Variants in DOCK1 observed in about 807,000 individuals in gnomAD.
The protein encoded by DOCK1 is dedicator of cytokinesis protein 1.
DOCK1 carries 138 observed loss-of-function variants against 262.7 expected under a neutral mutation model. That is an observed-to-expected ratio of 0.53 (90% CI 0.46 to 0.61). The LOEUF (loss-of-function observed/expected upper bound fraction) is 0.61. Ranked by LOEUF, DOCK1 falls within the 20% of genes least tolerant of loss-of-function variation. The pLI, the probability that DOCK1 is intolerant of heterozygous loss-of-function variation, is 0.00. For missense variants in DOCK1, 1,908 were observed against 2,370.7 expected, an observed-to-expected ratio of 0.80 and a Z score of 4.05; for synonymous variants, 866 against 867.4, an observed-to-expected ratio of 1.00 and a Z score of 0.03.
At chr10:127,135,473 A>C (rs897449058) in intron 27 of DOCK1, 4 of 152,666 alleles carry the variant, frequency 2.6e-5, no homozygotes, top group African/African-American at 9.6e-5. Flanking sequence ...GAACTTAACG[A>C]CAAGTATAAT....
chr10:127,417,916 G>T (rs947681059), intron 44 of DOCK1, among the ~76,000 whole-genome samples: 2 of 152,078 alleles, frequency 1.3e-5, no homozygotes, highest in African/African-American at 4.8e-5. Flanking sequence ...TGCCATGGCG[G>T]AGCCCTGCCT....
chr10:127,023,998 T>C (rs1030586268), intron 14 of DOCK1, among the ~76,000 whole-genome samples: 3 of 152,190 alleles, frequency 2.0e-5, no homozygotes, highest in African/African-American at 7.2e-5. Context: ...ATCATGAAGA[T>C]CTGCTTCCGT....
intron 28 of DOCK1, among the ~76,000 whole-genome samples, chr10:127,250,834 G>T (rs1486357403): frequency 2.1e-5 from 3 of 143,762 alleles, no homozygotes; most frequent in African/African-American, 5.1e-5. Context: ...GACGTTTGTG[G>T]TTTTTTATAC....
At chr10:127,035,455 C>A (rs1432303397) in intron 18 of DOCK1, among the ~76,000 whole-genome samples, 1 of 152,140 alleles carries the variant, frequency 6.6e-6, no homozygotes, top group African/African-American at 2.4e-5. Flanking sequence ...TGGGCAGCCT[C>A]ATGGGGGCTG....
chr10:127,381,474 GT>G, intron 37 of DOCK1, 106 bp downstream of exon 37: 1 of 971,678 alleles, frequency 1.0e-6, no homozygotes, highest in Non-Finnish European at 1.5e-6. Flanking sequence ...ATAACTTAAG[GT>G]TTTATGAAAT....
At chr10:126,959,643 C>T (rs2037036815) in intron 1 of DOCK1, among the ~76,000 whole-genome samples, 1 of 152,186 alleles carries the variant, frequency 6.6e-6, no homozygotes, top group Non-Finnish European at 1.5e-5. Context: ...CTGCTGCTTA[C>T]AGCTCCTTGA....
chr10:126,996,738 G>A lies in DOCK1; in HGVS notation c.474-10G>A, dbSNP rs2040224883. 5 of 1,601,000 alleles carry A rather than the reference G, an allele frequency of 3.1e-6. No homozygotes were observed. The highest frequency in any genetic ancestry group is 1.8e-5 in the Admixed American group (1 of 56,812). ...ATGTCTGTGAACTTACTAAATTCTT[G>A]TTGTTCTAGAATTCTAGATTTGGAC... is the stretch of plus-strand genomic sequence containing the variant. On this transcript the variant is annotated splice_polypyrimidine_tract_variant and intron_variant, in intron 6 of 51. Coordinates refer to ENST00000623213, the MANE Select transcript of DOCK1 (RefSeq NM_001290223.2).
chr10:127,284,098 C>A (rs1053480173), intron 29 of DOCK1, among the ~76,000 whole-genome samples: 1 of 152,146 alleles, frequency 6.6e-6, no homozygotes, highest in African/African-American at 2.4e-5. Context: ...CATTTTCTTT[C>A]CAAATGTAGT....
intron 1 of DOCK1, among the ~76,000 whole-genome samples, chr10:126,949,163 C>T (rs981944480): frequency 6.6e-6 from 1 of 152,038 alleles, no homozygotes; most frequent in African/African-American, 2.4e-5. Flanking sequence ...GTTTGCTGAT[C>T]CATCTCCATT....
chr10:127,330,962 A>G (rs546835517), intron 29 of DOCK1, among the ~76,000 whole-genome samples: 7 of 152,298 alleles, frequency 4.6e-5, no homozygotes, highest in Non-Finnish European at 1.0e-4. Context: ...CCCTCACTGC[A>G]CATCCTCCTT....
At chr10:126,954,935 A>G (rs1002392626) in intron 1 of DOCK1, among the ~76,000 whole-genome samples, 1 of 152,186 alleles carries the variant, frequency 6.6e-6, no homozygotes, top group East Asian at 1.9e-4. Flanking sequence ...TTATGTTGGT[A>G]TTGCCTGATC....
intron 23 of DOCK1, among the ~76,000 whole-genome samples, chr10:127,064,837 A>G (rs2045757425): frequency 6.6e-6 from 1 of 152,074 alleles, no homozygotes; most frequent in Non-Finnish European, 1.5e-5. Flanking sequence ...CATCATCACC[A>G]TCCCTCTTTA....
In DOCK1 at chr10:126,982,371, C is replaced by G. The variant is rs566215771; in HGVS notation, c.227+398C>G. ...ATAAATGGAGTTTAGGGTGAAGCAA[C>G]AGTTGTTAAATTGGGACATGCAGGA... On this transcript the variant is annotated intron_variant, in intron 4 of 51. Coordinates refer to ENST00000623213, the MANE Select transcript of DOCK1 (RefSeq NM_001290223.2). 3.3e-5 allele frequency among the ~76,000 whole-genome samples: 5 copies of G among 152,162 alleles called. No individual in the cohort carries two copies. The South Asian group carries it at 1.0e-3, about 32-fold the overall frequency.
At chr10:127,137,892 T>A (rs951551494) in intron 27 of DOCK1, 1 of 1,614,072 alleles carries the variant, frequency 6.2e-7, no homozygotes, top group African/African-American at 1.3e-5. Flanking sequence ...TTTGGATTTT[T>A]GCTTGGGAGT....
intron 27 of DOCK1, among the ~76,000 whole-genome samples, chr10:127,131,164 C>T (rs2050302816): frequency 1.3e-5 from 2 of 152,108 alleles, no homozygotes; most frequent in South Asian, 4.1e-4. Context: ...AGGACCCATG[C>T]TTGGTCTTAT....
At chr10:127,066,691 G>T (rs114093076) in intron 23 of DOCK1, among the ~76,000 whole-genome samples, 1 of 152,196 alleles carries the variant, frequency 6.6e-6, no homozygotes. Flanking sequence ...TAGCATGAGC[G>T]CCTAGTGCCA....
At chr10:127,239,736 G>A (rs964464366) in intron 27 of DOCK1, among the ~76,000 whole-genome samples, 5 of 152,030 alleles carry the variant, frequency 3.3e-5, no homozygotes, top group East Asian at 1.9e-4. Context: ...ATAAGACTTC[G>A]AAAATTCTAA....
chr10:126,959,614 G>C lies in DOCK1; in HGVS notation c.47-11088G>C, dbSNP rs976154308. Among the ~76,000 whole-genome samples, 9 of 152,314 alleles carry C rather than the reference G, an allele frequency of 5.9e-5. No homozygotes were observed. In the East Asian group the frequency reaches 1.7e-3, roughly 29 times the overall value. On this transcript the variant is annotated intron_variant, in intron 1 of 51. Transcript: ENST00000623213. ...AGGTGGGCCCTGGATCAGAGCCAGC[G>C]TGACCTCCTCAGTCTTTGCTGCTGC...
intron 29 of DOCK1, among the ~76,000 whole-genome samples, chr10:127,275,473 T>C (rs2060709007): frequency 6.6e-6 from 1 of 152,124 alleles, no homozygotes; most frequent in African/African-American, 2.4e-5. Flanking sequence ...TGGGCGTTCA[T>C]TGGGTTTTCA....
Sources: gnomAD v4.1 joint callset for allele counts (sites outside exome capture counted in the v4.1 genomes callset) on GRCh38, gnomAD v4.1.1 for gene constraint, MANE v1.5 for transcripts, NCBI Gene and HGNC (gene_info 2026-07-23, HGNC 2026-07-21) for gene names.